Variants in ROBO1 observed in about 807,000 individuals in gnomAD.
ROBO1 encodes roundabout guidance receptor 1, also known as roundabout homolog 1.
In ROBO1, 149 loss-of-function variants were observed where a neutral mutation model predicts 195.9. The observed-to-expected ratio is 0.76, with a 90% confidence interval of 0.67 to 0.87. The LOEUF (loss-of-function observed/expected upper bound fraction) is 0.87, where lower values mean the gene tolerates loss of function less well. Ranked by LOEUF, ROBO1 falls within the 40% of genes least tolerant of loss-of-function variation. The probability of loss-of-function intolerance (pLI) is 0.00; values close to 1 mark genes in which losing one functional copy is unlikely to be tolerated. For synonymous variants in ROBO1, 816 were observed against 733.2 expected, an observed-to-expected ratio of 1.11 and a Z score of -1.82; for missense variants, 1,933 against 2,068.3, an observed-to-expected ratio of 0.93 and a Z score of 1.27.
At chr3:78,712,863 A>G (rs902171412) in intron 8 of ROBO1, among the ~76,000 whole-genome samples, 1 of 152,202 alleles carries the variant, frequency 6.6e-6, no homozygotes, top group Non-Finnish European at 1.5e-5. Flanking sequence ...TGTTAGTTAT[A>G]AAAGCATCAG....
chr3:79,338,291 A>G (rs751652174), intron 2 of ROBO1, among the ~76,000 whole-genome samples: 2 of 152,202 alleles, frequency 1.3e-5, no homozygotes, highest in Non-Finnish European at 2.9e-5. Context: ...GCCTTTGTTA[A>G]ACAGAACTAA....
At chr3:78,897,628 T>TTCTTA (rs1553759621) in intron 4 of ROBO1, among the ~76,000 whole-genome samples, 1 of 152,000 alleles carries the variant, frequency 6.6e-6, no homozygotes, top group East Asian at 1.9e-4. Flanking sequence ...CTATCAGCCC[T>TTCTTA]TTTTATTTAT....
intron 2 of ROBO1, among the ~76,000 whole-genome samples, chr3:79,447,207 A>C: frequency 6.6e-6 from 1 of 152,154 alleles, no homozygotes; most frequent in East Asian, 1.9e-4. Context: ...TCTAAAAAGA[A>C]AGGCAAGAGA....
intron 2 of ROBO1, among the ~76,000 whole-genome samples, chr3:79,241,689 TAATA>T (rs1043689726): frequency 5.3e-5 from 8 of 150,404 alleles, no homozygotes; most frequent in East Asian, 1.9e-4. Flanking sequence ...AATATTTATG[TAATA>T]AATATGTAAT....
At chr3:79,144,168 C>T (rs1388381760) in intron 2 of ROBO1, among the ~76,000 whole-genome samples, 1 of 151,920 alleles carries the variant, frequency 6.6e-6, no homozygotes, top group Non-Finnish European at 1.5e-5. Context: ...TAAATATGTA[C>T]AGTTTTAGTA....
At chr3:79,596,123 T>C (rs1314992550) in intron 1 of ROBO1, among the ~76,000 whole-genome samples, 5 of 152,014 alleles carry the variant, frequency 3.3e-5, no homozygotes, top group Non-Finnish European at 7.4e-5. Context: ...AATCAATCTC[T>C]ATTTAAATCA....
At chr3:78,599,474 C>T (rs555366260) in intron 30 of ROBO1, among the ~76,000 whole-genome samples, 10 of 152,122 alleles carry the variant, frequency 6.6e-5, no homozygotes, top group African/African-American at 2.2e-4. Flanking sequence ...TCATTTGACA[C>T]GTATTTATCT....
Position 78,614,809 on chromosome 3 carries a change from A to G in ROBO1, c.4283-9T>C, listed in dbSNP as rs766906732. On this transcript the variant is annotated splice_polypyrimidine_tract_variant and intron_variant, in intron 27 of 30. Coordinates refer to ENST00000464233, the MANE Select transcript of ROBO1 (RefSeq NM_002941.4). ...ATGAAAATGTCGACGGCCTAAGGAGAAAAAAAAAAAAAATCCAAGCCAAAC... is the reference window on the plus strand; with the variant it reads ...ATGAAAATGTCGACGGCCTAAGGAGGAAAAAAAAAAAAATCCAAGCCAAAC... 3 of 474,136 alleles carry G rather than the reference A, an allele frequency of 6.3e-6. No homozygotes were observed. The highest frequency in any genetic ancestry group is 7.4e-5 in the East Asian group (1 of 13,492). The allele number at this position is 474,136 out of a possible 1,614,324, so 29.4% of individuals were successfully genotyped here.
At chr3:79,073,511 T>C (rs2079122145) in intron 3 of ROBO1, among the ~76,000 whole-genome samples, 1 of 151,906 alleles carries the variant, frequency 6.6e-6, no homozygotes, top group Non-Finnish European at 1.5e-5. Context: ...GCCTGTTTCT[T>C]AGGACAGTGC....
chr3:78,803,210 A>G (rs2084421758), intron 4 of ROBO1, among the ~76,000 whole-genome samples: 1 of 152,148 alleles, frequency 6.6e-6, no homozygotes, highest in South Asian at 2.1e-4. Flanking sequence ...CCATCTGCAA[A>G]CAGGAAACAA....
chr3:79,426,305 T>C (rs2038444433), intron 2 of ROBO1, among the ~76,000 whole-genome samples: 1 of 152,108 alleles, frequency 6.6e-6, no homozygotes, highest in African/African-American at 2.4e-5. Flanking sequence ...CCTTAGAAAC[T>C]GACATTACTA....
intron 25 of ROBO1, among the ~76,000 whole-genome samples, chr3:78,630,924 G>A (rs1705140280): frequency 6.6e-6 from 1 of 152,172 alleles, no homozygotes; most frequent in Non-Finnish European, 1.5e-5. Flanking sequence ...GAGCTAATAT[G>A]TATCATTTTT....
At chr3:79,029,073 T>C (rs2078250183) in intron 3 of ROBO1, among the ~76,000 whole-genome samples, 2 of 152,064 alleles carry the variant, frequency 1.3e-5, no homozygotes. Flanking sequence ...TTATTTTCAG[T>C]GATTATGACA....
intron 2 of ROBO1, among the ~76,000 whole-genome samples, chr3:79,284,097 TATA>T (rs2031729115): frequency 6.6e-6 from 1 of 152,060 alleles, no homozygotes; most frequent in East Asian, 1.9e-4. Flanking sequence ...TGCATGTATA[TATA>T]CATGCATATA....
intron 2 of ROBO1, among the ~76,000 whole-genome samples, chr3:79,196,286 T>TC (rs2081633253): frequency 6.7e-6 from 1 of 150,260 alleles, no homozygotes; most frequent in Middle Eastern, 3.4e-3. Flanking sequence ...TTTTTTTTTT[T>TC]TTTTTCAGTT....
At chr3:78,778,045 G>A (rs2083559036) in intron 4 of ROBO1, among the ~76,000 whole-genome samples, 1 of 152,150 alleles carries the variant, frequency 6.6e-6, no homozygotes, top group Admixed American at 6.5e-5. Flanking sequence ...TTAGCATGAA[G>A]GGTGTTGAAT....
chr3:78,799,505 C>A (rs370315676), intron 4 of ROBO1, among the ~76,000 whole-genome samples: 49 of 152,166 alleles, frequency 3.2e-4, no homozygotes, highest in Admixed American at 7.9e-4. Context: ...CCATGCCCGG[C>A]TAATTTTTTG....
rs375515209 is a variant in ROBO1 at position 78,614,727 on chromosome 3, G to C, written c.4356C>G (p.Ala1452=). Residue 1452 remains alanine (A), a synonymous_variant, in exon 28 of 31, where the codon GCC becomes GCG. Transcript: ENST00000464233. Reference sequence around the variant, plus strand: ...CTGGTCTGGTTTTCTGCATTACGGCGGCACTCATGTTGCTGTCTGTAGACA... The same window carrying C: ...CTGGTCTGGTTTTCTGCATTACGGCCGCACTCATGTTGCTGTCTGTAGACA... ...SPVSTDSNMS[A]AVMQKTRPAK... is the part of the protein sequence containing the mutation. 1.2e-6 allele frequency: 2 copies of C among 1,613,158 alleles called. No homozygotes were observed. Among genetic ancestry groups the C allele is most frequent in the African/African-American group, 2.7e-5 (2 of 74,692 alleles).
At chr3:79,652,254 T>A (rs539341147) in intron 1 of ROBO1, among the ~76,000 whole-genome samples, 1 of 152,178 alleles carries the variant, frequency 6.6e-6, no homozygotes, top group Non-Finnish European at 1.5e-5. Flanking sequence ...AGGTAGCGCT[T>A]ACATCAATGA....
Sources: allele counts gnomAD v4.1 joint callset (sites outside exome capture counted in the v4.1 genomes callset), GRCh38; gene constraint gnomAD v4.1.1; transcripts MANE v1.5; gene names NCBI Gene and HGNC (gene_info 2026-07-23, HGNC 2026-07-21).